TMEM108: variants seen among roughly 807,000 people sequenced by gnomAD.
The protein encoded by TMEM108 is transmembrane protein 108.
In TMEM108, 12 loss-of-function variants were observed where a neutral mutation model predicts 35.1. The observed-to-expected ratio is 0.34, with a 90% CI of 0.22 to 0.55. TMEM108 has a LOEUF of 0.55. Ranked by LOEUF, TMEM108 falls within the 20% of genes least tolerant of loss-of-function variation. TMEM108 has a pLI of 0.89. For missense variants in TMEM108, 680 were observed against 753.3 expected (o/e 0.90, Z 1.14); for synonymous variants, 287 against 308.6 (o/e 0.93, Z 0.73).
At chr3:133,078,170 C>T (rs1210439521) in intron 2 of TMEM108, among the ~76,000 whole-genome samples, 186 of 24,222 alleles carry the variant, frequency 7.7e-3, no homozygotes, top group African/African-American at 0.037. Flanking sequence ...CACGCGCGCG[C>T]GCGCACACGT....
chr3:133,212,793 G>A (rs1945850684), intron 2 of TMEM108, among the ~76,000 whole-genome samples: 1 of 151,344 alleles, frequency 6.6e-6, no homozygotes, highest in Non-Finnish European at 1.5e-5. Flanking sequence ...TTGAACTCGG[G>A]CGGCGGAGGT....
intron 2 of TMEM108, among the ~76,000 whole-genome samples, chr3:133,107,697 A>G (rs1472883349): frequency 1.3e-5 from 2 of 152,136 alleles, no homozygotes; most frequent in African/African-American, 2.4e-5. Flanking sequence ...CCCAGGAGAA[A>G]TTGGGTGACA....
intron 2 of TMEM108, among the ~76,000 whole-genome samples, chr3:133,200,431 C>T (rs1000715380): frequency 1.5e-4 from 23 of 152,212 alleles, no homozygotes; most frequent in Non-Finnish European, 3.1e-4. Context: ...TATGCTTCTG[C>T]AGGCACTTGC....
chr3:133,325,415 CT>C (rs2071318063), intron 3 of TMEM108, among the ~76,000 whole-genome samples: 1 of 152,152 alleles, frequency 6.6e-6, no homozygotes, highest in Non-Finnish European at 1.5e-5. Flanking sequence ...GAAATCATCA[CT>C]AAAGAACTTT....
intron 2 of TMEM108, among the ~76,000 whole-genome samples, chr3:133,177,998 A>T (rs1259016579): frequency 6.6e-6 from 1 of 152,216 alleles, no homozygotes; most frequent in Non-Finnish European, 1.5e-5. Context: ...CAAAAATCAC[A>T]AGCATTCTTA....
intron 3 of TMEM108, among the ~76,000 whole-genome samples, chr3:133,264,254 A>G (rs570059527): frequency 6.6e-6 from 1 of 152,292 alleles, no homozygotes; most frequent in East Asian, 1.9e-4. Context: ...GCAGTGAACT[A>G]TAATTGTGCC....
At position 133,192,144 on chromosome 3, in the gene TMEM108, T is replaced by G. The variant is rs533795273; in HGVS notation, c.-46-37122T>G. 5.3e-5 allele frequency among the ~76,000 whole-genome samples: 8 copies of G among 152,114 alleles called. 1 individual carries two copies. In the South Asian group the frequency reaches 1.7e-3, roughly 32 times the overall value. On this transcript the variant is annotated intron_variant, in intron 2 of 5. Transcript: ENST00000321871. ...CAGTGTTTGGATGCAGGAGGAAGAGTTACAATTGCAAGGGAAGGATACACT... is the reference window on the plus strand; with the variant it reads ...CAGTGTTTGGATGCAGGAGGAAGAGGTACAATTGCAAGGGAAGGATACACT...
chr3:133,189,647 A>C (rs1321452365), intron 2 of TMEM108, among the ~76,000 whole-genome samples: 1 of 152,238 alleles, frequency 6.6e-6, no homozygotes, highest in Admixed American at 6.5e-5. Context: ...TTTACTTGAC[A>C]ATTTGAGACA....
chr3:133,064,395 T>C (rs1943570732), intron 2 of TMEM108, among the ~76,000 whole-genome samples: 2 of 152,228 alleles, frequency 1.3e-5, no homozygotes, highest in Non-Finnish European at 1.5e-5. Flanking sequence ...TGTGGACAGA[T>C]GCGTGGGTCT....
rs186653654 is a variant in TMEM108 at position 133,177,649 on chromosome 3, G to T, written c.-46-51617G>T. 1.8e-3 allele frequency among the ~76,000 whole-genome samples: 274 copies of T among 152,022 alleles called. 1 individual carries two copies. Among genetic ancestry groups the T allele is most frequent in the African/African-American group, 6.1e-3 (254 of 41,506 alleles). On this transcript the variant is annotated intron_variant, in intron 2 of 5. Transcript: ENST00000321871. ...TGCTAAAAACTCTCAATAAGGTATTGATGGGACGTATCTCAAAATAATAAG... is the reference window on the plus strand; with the variant it reads ...TGCTAAAAACTCTCAATAAGGTATTTATGGGACGTATCTCAAAATAATAAG...
chr3:133,208,112 AG>A (rs1255554814), intron 2 of TMEM108, among the ~76,000 whole-genome samples: 4 of 152,208 alleles, frequency 2.6e-5, no homozygotes, highest in African/African-American at 4.8e-5. Flanking sequence ...TGTGTAAAGC[AG>A]GGGTTCCCAA....
intron 3 of TMEM108, among the ~76,000 whole-genome samples, chr3:133,272,339 T>A (rs992783166): frequency 2.6e-5 from 4 of 151,412 alleles, no homozygotes; most frequent in Non-Finnish European, 2.9e-5. Flanking sequence ...TATTTTAATA[T>A]CTGAGAATAG....
chr3:133,067,382 A>G (rs1349448850), intron 2 of TMEM108, among the ~76,000 whole-genome samples: 3 of 152,162 alleles, frequency 2.0e-5, no homozygotes, highest in African/African-American at 7.2e-5. Flanking sequence ...GGCACCAGAG[A>G]TGAGTTATAT....
chr3:133,342,852 G>T (rs1451923442), intron 3 of TMEM108, among the ~76,000 whole-genome samples: 2 of 151,138 alleles, frequency 1.3e-5, no homozygotes, highest in Non-Finnish European at 3.0e-5. Context: ...TATTAGCACT[G>T]CAGAGTGACT....
intron 2 of TMEM108, among the ~76,000 whole-genome samples, chr3:133,148,750 C>G (rs1426995482): frequency 6.6e-6 from 1 of 152,058 alleles, no homozygotes. Context: ...AATCCCAACA[C>G]TTTGGGAGGC....
chr3:133,176,684 G>T (rs1410077947), intron 2 of TMEM108, among the ~76,000 whole-genome samples: 72 of 149,550 alleles, frequency 4.8e-4, no homozygotes, highest in Non-Finnish European at 1.4e-4. Flanking sequence ...AGAGGGAAAT[G>T]TATAGCACTA....
In TMEM108 at chr3:133,054,365, T is replaced by C. The variant is rs1035607037; in HGVS notation, c.-47+8345T>C. On this transcript the variant is annotated intron_variant, in intron 2 of 5. Transcript: ENST00000321871. ...GGGAATTGTATTTCCCATACAGATA[T>C]CTTATTTTTTATATCTGTCAAATTT... Among the ~76,000 whole-genome samples the C allele has an allele frequency of 2.6e-5, 4 of 152,196 alleles. No individual in the cohort carries two copies. In the South Asian group the frequency reaches 6.2e-4, roughly 24 times the overall value.
chr3:133,057,284 C>T (rs1386338159), intron 2 of TMEM108, among the ~76,000 whole-genome samples: 1 of 151,970 alleles, frequency 6.6e-6, no homozygotes, highest in African/African-American at 2.4e-5. Context: ...CTATTTCTTA[C>T]TCCCTTTTCT....
chr3:133,338,638 G>C (rs561701445), intron 3 of TMEM108, among the ~76,000 whole-genome samples: 2 of 151,998 alleles, frequency 1.3e-5, no homozygotes, highest in African/African-American at 2.4e-5. Flanking sequence ...GTATTAGTAA[G>C]TACACAGAAA....
Sources: allele counts gnomAD v4.1 joint callset (sites outside exome capture counted in the v4.1 genomes callset), GRCh38; gene constraint gnomAD v4.1.1; transcripts MANE v1.5; gene names NCBI Gene and HGNC (gene_info 2026-07-23, HGNC 2026-07-21).